Variants in NRL observed in about 807,000 individuals in gnomAD.
NRL encodes the protein neural retina leucine zipper, also known as neural retina-specific leucine zipper protein.
A neutral mutation model predicts 12.5 loss-of-function variants in NRL; 16 were observed. That is an observed-to-expected ratio of 1.28 (90% confidence interval 0.87 to 1.95). NRL has a LOEUF of 1.95. Among genes scored for constraint, NRL ranks in the 30% most tolerant of loss-of-function variants. The pLI, the probability that NRL is intolerant of heterozygous loss-of-function variation, is 0.00. For missense variants in NRL, 314 were observed against 325.8 expected (o/e 0.96, Z 0.28); for synonymous variants, 142 against 150.9 (o/e 0.94, Z 0.43).
intron 1 of NRL, among the ~76,000 whole-genome samples, chr14:24,105,414 T>C (rs2037322124): frequency 6.6e-6 from 1 of 152,254 alleles, no homozygotes; most frequent in Admixed American, 6.5e-5. Flanking sequence ...TGGGGGCCTA[T>C]TCCCAACAAG....
In NRL at chr14:24,084,537, G is replaced by A. The variant is rs534468641; in HGVS notation, c.-27-1662C>T. On this transcript the variant is annotated intron_variant, in intron 1 of 2. Coordinates refer to ENST00000561028, the MANE Select transcript of NRL (RefSeq NM_001354768.3). ...ATACTCACTTCAGAAATGGCCGAGAGGATGTGGTCAGTGCCAGAGCCAGAC... is the reference window on the plus strand; with the variant it reads ...ATACTCACTTCAGAAATGGCCGAGAAGATGTGGTCAGTGCCAGAGCCAGAC... 4 of 985,472 alleles carry A rather than the reference G, an allele frequency of 4.1e-6. No homozygotes were observed. In the African/African-American group the frequency reaches 7.0e-5, roughly 17 times the overall value. The allele number at this position is 985,472 out of a possible 1,614,324, so 61.0% of individuals were successfully genotyped here.
chr14:24,098,661 A>C (rs569543145), intron 1 of NRL: 2 of 1,613,838 alleles, frequency 1.2e-6, no homozygotes, highest in South Asian at 2.2e-5. Context: ...TCCGTGGGCC[A>C]GCCCCTGACA....
rs2036323533 is a variant in NRL, at chr14:24,081,916, C to T, written c.382-348G>A. ...GTCCAGTGGACCCGCACCCAGACAG[C>T]CCCCAACCCTCCAACGCGCTGCGTT... On this transcript the variant is annotated intron_variant, in intron 2 of 2. Transcript: ENST00000561028. The surrounding 1 kb of genome is among the most constrained non-coding windows in gnomAD (Gnocchi z 4.4). 7.7e-7 allele frequency: 1 copy of T among 1,293,274 alleles called. No homozygotes were observed. Among genetic ancestry groups the T allele is most frequent in the Non-Finnish European group, 9.9e-7 (1 of 1,011,388 alleles). 80.1% of individuals were successfully genotyped at this position (1,293,274 alleles called of 1,614,324 possible).
chr14:24,093,702 G>C (rs992092385), intron 1 of NRL, among the ~76,000 whole-genome samples: 4 of 152,144 alleles, frequency 2.6e-5, no homozygotes, highest in Non-Finnish European at 5.9e-5. Context: ...GGATGTGCCG[G>C]GGGAGGAGAA....
At chr14:24,097,266 C>A in intron 1 of NRL, 2 of 854,616 alleles carry the variant, frequency 2.3e-6, no homozygotes, top group Non-Finnish European at 3.6e-6. Flanking sequence ...GGTAAACAGA[C>A]CCAGAAACTG....
At chr14:24,096,315 T>C (rs911173712) in intron 1 of NRL, among the ~76,000 whole-genome samples, 2 of 134,392 alleles carry the variant, frequency 1.5e-5, no homozygotes, top group African/African-American at 5.6e-5. Context: ...CTCGGCTCAC[T>C]GCAACCTCCA....
rs867030146 is a variant in NRL, at chr14:24,082,121, C to T, written c.381+347G>A. ...CCAATCTAAACCAGTCTTAACCCAG[C>T]TCCACTCCACACATAACCCTTTCCC... On this transcript the variant is annotated intron_variant, in intron 2 of 2. Transcript: ENST00000561028. 118 of 1,229,270 alleles carry T rather than the reference C, an allele frequency of 9.6e-5. 2 individuals carry two copies. Among genetic ancestry groups the T allele is most frequent in the Middle Eastern group, 3.2e-4 (1 of 3,116 alleles). 76.1% of individuals were successfully genotyped at this position (1,229,270 alleles called of 1,614,324 possible).
chr14:24,091,401 A>G (rs2036628664), intron 1 of NRL, among the ~76,000 whole-genome samples: 1 of 152,182 alleles, frequency 6.6e-6, no homozygotes, highest in Non-Finnish European at 1.5e-5. Flanking sequence ...GCCCAGAAAA[A>G]GTTCACAGAA....
In NRL at chr14:24,094,305, T is replaced by A; in HGVS notation, c.-27-11430A>T. 3 of 1,213,224 alleles carry A rather than the reference T, an allele frequency of 2.5e-6. No homozygotes were observed. Among genetic ancestry groups the A allele is most frequent in the South Asian group, 2.6e-5 (2 of 77,008 alleles). 75.2% of individuals were successfully genotyped at this position (1,213,224 alleles called of 1,614,324 possible). On this transcript the variant is annotated intron_variant, in intron 1 of 2. Transcript: ENST00000561028. This position sits in a 1 kb window ranked among gnomAD's most constrained non-coding sequence, Gnocchi z 4.1. ...CCTTTTTAAGCGCCTCCCGCCAGCC[T>A]CTGCTGTGGCTCGCTTCGCCGCGCT...
chr14:24,080,915 C>A lies in NRL; in HGVS notation c.*321G>T. On this transcript the variant is annotated 3_prime_UTR_variant, in exon 3 of 3. Coordinates refer to ENST00000561028, the MANE Select transcript of NRL (RefSeq NM_001354768.3). ...CTAAACTGAGGTGGGAGCTGCAACC[C>A]TCCTCCACCTCCCATTCACTGTGTC... 1 of 293,804 alleles carries A rather than the reference C, an allele frequency of 3.4e-6. No homozygotes were observed. The allele number at this position is 293,804 out of a possible 1,614,324, so 18.2% of individuals were successfully genotyped here.
intron 1 of NRL, chr14:24,098,666 C>T (rs1174774029): frequency 6.2e-7 from 1 of 1,613,636 alleles, no homozygotes; most frequent in Non-Finnish European, 8.5e-7. Context: ...GGGCCAGCCC[C>T]TGACAGGACA....
rs1394245808 is a variant in NRL, at chr14:24,094,967, G to A, written c.-27-12092C>T. On this transcript the variant is annotated intron_variant, in intron 1 of 2. Transcript: ENST00000561028. This position sits in a 1 kb window ranked among gnomAD's most constrained non-coding sequence, Gnocchi z 4.1. The stretch of plus-strand genomic sequence containing the variant: ...CCTGGCGGGAAGTCCAGAGCAGCCC[G>A]AGGGACCTGGGCCCAGGGGAGGGAG... 2.5e-6 allele frequency: 2 copies of A among 790,828 alleles called. No individual in the cohort carries two copies. Among genetic ancestry groups the A allele is most frequent in the Non-Finnish European group, 3.7e-6 (2 of 546,488 alleles). The allele number at this position is 790,828 out of a possible 1,614,324, so 49.0% of individuals were successfully genotyped here. A position where few individuals can be genotyped will look rare whatever the true frequency, so the allele number is the denominator to read the frequency against.
chr14:24,110,119 C>CT (rs563374411), intron 1 of NRL, among the ~76,000 whole-genome samples: 128 of 146,146 alleles, frequency 8.8e-4, no homozygotes, highest in African/African-American at 7.7e-4. Context: ...TATTATTATA[C>CT]TTTTTTTTTT....
chr14:24,096,301 C>T (rs560589397), intron 1 of NRL, among the ~76,000 whole-genome samples: 3 of 133,416 alleles, frequency 2.2e-5, no homozygotes, highest in East Asian at 2.4e-4. Flanking sequence ...TGCAGTGTCC[C>T]GATCTCGGCT....
chr14:24,094,378 G>T lies in NRL; in HGVS notation c.-27-11503C>A. The T allele has an allele frequency of 6.5e-7, 1 of 1,543,868 alleles. No homozygotes were observed. On this transcript the variant is annotated intron_variant, in intron 1 of 2. Transcript: ENST00000561028. This position sits in a 1 kb window ranked among gnomAD's most constrained non-coding sequence, Gnocchi z 4.1. ...CCTCCCCGGCTCCGCTCGGTTCCTG[G>T]CCACCCCGCAGCCCCTGCCCAGGTG... is the stretch of plus-strand genomic sequence containing the variant.
At position 24,091,311 on chromosome 14, in the gene NRL, A is replaced by G. The variant is rs939383310; in HGVS notation, c.-27-8436T>C. Among the ~76,000 whole-genome samples, 33 of 152,192 alleles carry G rather than the reference A, an allele frequency of 2.2e-4. 1 individual carries two copies. The highest frequency in any genetic ancestry group is 6.7e-4 in the African/African-American group (28 of 41,526). On this transcript the variant is annotated intron_variant, in intron 1 of 2. Coordinates refer to ENST00000561028, the MANE Select transcript of NRL (RefSeq NM_001354768.3). ...GACTACCGGCGTGCGCCACCACACC[A>G]AGCTAATTTTTGTATTTTTAGTAGA... is the stretch of plus-strand genomic sequence containing the variant.
intron 1 of NRL, chr14:24,100,459 G>C (rs1566579197): frequency 2.2e-6 from 2 of 917,114 alleles, no homozygotes; most frequent in Non-Finnish European, 1.6e-6. Flanking sequence ...GTTGAATGAG[G>C]GTAGTTGTGA....
intron 1 of NRL, among the ~76,000 whole-genome samples, chr14:24,113,965 A>T (rs1184984571): frequency 6.6e-6 from 1 of 152,204 alleles, no homozygotes; most frequent in Non-Finnish European, 1.5e-5. Context: ...GTCCCCACCC[A>T]GCCAGGGCGA....
Position 24,082,531 on chromosome 14 carries a change from A to T in NRL, c.318T>A (p.Pro106=). Residue 106 remains proline, a synonymous_variant, in exon 2 of 3, where the codon CCT becomes CCA. Coordinates refer to ENST00000561028, the MANE Select transcript of NRL (RefSeq NM_001354768.3). ...GGTAGTAGCCATGGGGCCCATCAAC[A>T]GGGACTGGGCCCTGACCCTGCAGCA... is the stretch of plus-strand genomic sequence containing the variant. The part of the protein sequence containing the change: ...MELLQGQGPV[P]VDGPHGYYPG... The T allele has an allele frequency of 6.2e-7, 1 of 1,613,394 alleles. No homozygotes were observed. The highest frequency in any genetic ancestry group is 8.5e-7 in the Non-Finnish European group (1 of 1,180,016).
Sources: allele counts gnomAD v4.1 joint callset (sites outside exome capture counted in the v4.1 genomes callset), GRCh38; gene constraint gnomAD v4.1.1; non-coding constraint Gnocchi (gnomAD v3.1); transcripts MANE v1.5; gene names NCBI Gene and HGNC (gene_info 2026-07-23, HGNC 2026-07-21).